The following AP2A2 variants were observed in gnomAD, a reference collection of about 807,000 sequenced individuals.
The protein encoded by AP2A2 is adaptor related protein complex 2 subunit alpha 2.
AP2A2 carries 32 observed loss-of-function variants against 104.2 expected under a neutral mutation model. That is an observed-to-expected ratio of 0.31 (90% CI 0.23 to 0.41). The LOEUF is 0.41. Among genes scored for constraint, AP2A2 ranks in the 10% least tolerant of loss-of-function variants. AP2A2 has a pLI of 1.00. For missense variants in AP2A2, 912 were observed against 1,261.0 expected, an observed-to-expected ratio of 0.72 and a Z score of 4.19; for synonymous variants, 539 against 533.3, an observed-to-expected ratio of 1.01 and a Z score of -0.15.
At chr11:938,341 C>T (rs1853531960) in intron 1 of AP2A2, among the ~76,000 whole-genome samples, 1 of 152,166 alleles carries the variant, frequency 6.6e-6, no homozygotes, top group Non-Finnish European at 1.5e-5. Flanking sequence ...CCGTTAACCC[C>T]TTGTAGTTTA....
chr11:954,467 A>G (rs773739387), intron 1 of AP2A2, among the ~76,000 whole-genome samples: 2 of 151,282 alleles, frequency 1.3e-5, no homozygotes, highest in Non-Finnish European at 2.9e-5. Flanking sequence ...TATATGTTGT[A>G]TTTGTGTTTA....
At chr11:927,993 C>T (rs117204479) in intron 1 of AP2A2, among the ~76,000 whole-genome samples, 10,434 of 152,172 alleles carry the variant, frequency 0.069, 434 homozygotes, top group South Asian at 0.11. Context: ...CCCTTAAATG[C>T]GCTATGATGT....
chr11:952,369 G>A (rs990144816), intron 1 of AP2A2, among the ~76,000 whole-genome samples: 2 of 152,156 alleles, frequency 1.3e-5, no homozygotes, highest in East Asian at 3.8e-4. Flanking sequence ...TCATTAACCA[G>A]CATGCTGTTC....
intron 1 of AP2A2, among the ~76,000 whole-genome samples, chr11:950,483 G>GT (rs763137097): frequency 1.1e-4 from 16 of 151,858 alleles, no homozygotes; most frequent in Non-Finnish European, 1.5e-4. Context: ...TAATTTTTGT[G>GT]TTTTTTTGTA....
chr11:999,732 T>A (rs1343103382), intron 14 of AP2A2, among the ~76,000 whole-genome samples: 1 of 152,224 alleles, frequency 6.6e-6, no homozygotes, highest in Non-Finnish European at 1.5e-5. Context: ...GTAAGTTATT[T>A]GCTTTTTCAT....
intron 14 of AP2A2, among the ~76,000 whole-genome samples, chr11:999,259 C>T (rs777126988): frequency 9.2e-5 from 14 of 152,126 alleles, no homozygotes; most frequent in East Asian, 1.9e-4. Flanking sequence ...GGGCCGGGTG[C>T]GGTGGCTCAT....
At chr11:935,502 G>T (rs1002432169) in intron 1 of AP2A2, among the ~76,000 whole-genome samples, 6 of 151,320 alleles carry the variant, frequency 4.0e-5, no homozygotes, top group African/African-American at 1.2e-4. Flanking sequence ...GAGTTTCGCC[G>T]TGTTGGCCAG....
intron 2 of AP2A2, 35 bp downstream of exon 2, chr11:959,540 G>T: frequency 7.1e-7 from 1 of 1,402,862 alleles, no homozygotes; most frequent in Non-Finnish European, 9.9e-7. Context: ...GAAATGTCCT[G>T]TTGTAAATTT....
chr11:961,534 A>T (rs1411035927), intron 2 of AP2A2, among the ~76,000 whole-genome samples: 1 of 149,074 alleles, frequency 6.7e-6, no homozygotes, highest in East Asian at 2.0e-4. Flanking sequence ...CACCAGTGAA[A>T]AGTAAAGGGC....
At chr11:1,010,162 C>T (rs988941579) in intron 21 of AP2A2, 1 of 469,738 alleles carries the variant, frequency 2.1e-6, no homozygotes, top group Admixed American at 3.5e-5. Context: ...CCCAGCTGTT[C>T]CTCTCTGTCA....
At chr11:964,635 C>CA (rs1854549600) in intron 2 of AP2A2, among the ~76,000 whole-genome samples, 1 of 152,208 alleles carries the variant, frequency 6.6e-6, no homozygotes, top group Non-Finnish European at 1.5e-5. Context: ...GTCAATGCCA[C>CA]AGTCTCACTT....
At chr11:999,899 G>GT (rs1486789654) in intron 14 of AP2A2, among the ~76,000 whole-genome samples, 1 of 151,198 alleles carries the variant, frequency 6.6e-6, no homozygotes, top group Non-Finnish European at 1.5e-5. Context: ...CGCCTCCCGG[G>GT]TTCACACCAT....
chr11:983,017 C>CTTTTTTTTTTTTTTTTTTTTTTTTTT (rs56742889), intron 6 of AP2A2, among the ~76,000 whole-genome samples: 1 of 82,392 alleles, frequency 1.2e-5, no homozygotes, highest in African/African-American at 4.7e-5. Flanking sequence ...TTTTCTTTTT[C>CTTTTTTTTTTTTTTTTTTTTTTTTTT]TTTTTTTTTT....
intron 1 of AP2A2, among the ~76,000 whole-genome samples, chr11:941,570 C>T (rs949094750): frequency 6.6e-6 from 1 of 151,786 alleles, no homozygotes; most frequent in Non-Finnish European, 1.5e-5. Context: ...GCATGAGCCA[C>T]TGTGGCTGGC....
chr11:942,236 C>T (rs1853676903), intron 1 of AP2A2: 1 of 152,218 alleles, frequency 6.6e-6, no homozygotes, highest in South Asian at 2.1e-4. Flanking sequence ...AATACCTGAC[C>T]TTTTAGTAAA....
intron 14 of AP2A2, among the ~76,000 whole-genome samples, chr11:996,388 C>T (rs1024694094): frequency 6.6e-6 from 1 of 152,186 alleles, no homozygotes; most frequent in African/African-American, 2.4e-5. Flanking sequence ...CCTCCAGCTG[C>T]TTTGACGTTA....
At chr11:980,816 A>G (rs944362842) in intron 5 of AP2A2, among the ~76,000 whole-genome samples, 1 of 152,236 alleles carries the variant, frequency 6.6e-6, no homozygotes, top group African/African-American at 2.4e-5. Context: ...CTCCCTCTAC[A>G]GTGAACATGC....
At chr11:961,713 CGG>C (rs1854445867) in intron 2 of AP2A2, among the ~76,000 whole-genome samples, 2 of 126,318 alleles carry the variant, frequency 1.6e-5, no homozygotes, top group Non-Finnish European at 3.3e-5. Context: ...AAGTAAAGGG[CGG>C]AAGCAGATGG....
At position 970,222 on chromosome 11, in the gene AP2A2, T is replaced by C. The variant is rs1052100260; in HGVS notation, c.190T>C (p.Phe64Leu). The change falls in exon 3 of 22, where the codon TTC (phenylalanine) becomes CTC (leucine). Residue 64 changes from phenylalanine (F) to leucine (L), a missense_variant. This residue lies in a region of AP2A2 where 17 missense variants were observed against 57.3 expected (regional missense o/e 0.30). Transcript: ENST00000448903. Reference sequence around the variant, plus strand: ...AAAAAAGTACGTCTGCAAGTTGCTCTTCATCTTTCTCCTTGGTCATGACAT... The same window carrying C: ...AAAAAAGTACGTCTGCAAGTTGCTCCTCATCTTTCTCCTTGGTCATGACAT... ...SKKKYVCKLLFIFLLGHDIDF... is the reference protein window; with the variant it reads ...SKKKYVCKLLLIFLLGHDIDF... 6.2e-7 allele frequency: 1 copy of C among 1,613,914 alleles called. No individual in the cohort carries two copies. Among genetic ancestry groups the C allele is most frequent in the Non-Finnish European group, 8.5e-7 (1 of 1,179,894 alleles).
Sources: gnomAD v4.1 joint callset for allele counts (sites outside exome capture counted in the v4.1 genomes callset) on GRCh38, gnomAD v4.1.1 for gene constraint, gnomAD v4.1.1 regional missense constraint, MANE v1.5 for transcripts, NCBI Gene and HGNC (gene_info 2026-07-23, HGNC 2026-07-21) for gene names.